Variants in NFIC observed in about 807,000 individuals in gnomAD.
The protein encoded by NFIC is nuclear factor I C.
In NFIC, 12 loss-of-function variants were observed where a neutral mutation model predicts 54.4. The ratio of observed to expected loss-of-function variants is 0.22; its 90% CI spans 0.14 to 0.36. The LOEUF is 0.36. NFIC is among the 10% of genes least tolerant of loss of function. The pLI, the probability that NFIC is intolerant of heterozygous loss-of-function variation, is 1.00. For missense variants in NFIC, 575 were observed against 718.2 expected, an observed-to-expected ratio of 0.80 and a Z score of 2.28; for synonymous variants, 322 against 319.2, an observed-to-expected ratio of 1.01 and a Z score of -0.09.
At chr19:3,396,427 G>A (rs1367500128) in intron 2 of NFIC, among the ~76,000 whole-genome samples, 3 of 150,302 alleles carry the variant, frequency 2.0e-5, no homozygotes, top group Non-Finnish European at 4.4e-5. Context: ...AGCTGAGATC[G>A]TGCCACTGCA....
chr19:3,438,028 C>T (rs907437699), intron 6 of NFIC, among the ~76,000 whole-genome samples: 1 of 152,082 alleles, frequency 6.6e-6, no homozygotes, highest in Non-Finnish European at 1.5e-5. Flanking sequence ...ATTGATGAGG[C>T]TGTCAGAATG....
At chr19:3,385,399 A>G (rs1275133425) in intron 2 of NFIC, among the ~76,000 whole-genome samples, 5 of 152,112 alleles carry the variant, frequency 3.3e-5, no homozygotes, top group African/African-American at 1.2e-4. Context: ...GGAAATGTCA[A>G]GTGCCCAGGG....
chr19:3,445,845 A>G (rs2082366326), intron 6 of NFIC, among the ~76,000 whole-genome samples: 2 of 152,074 alleles, frequency 1.3e-5, no homozygotes, highest in Admixed American at 1.3e-4. Flanking sequence ...TGCCTATGGA[A>G]CCACCAGCAG....
chr19:3,371,214 T>C (rs1568399433), intron 1 of NFIC, among the ~76,000 whole-genome samples: 1 of 152,026 alleles, frequency 6.6e-6, no homozygotes, highest in African/African-American at 2.4e-5. Flanking sequence ...CTTTCCTGAC[T>C]CTGGTGGGTG....
At position 3,423,147 on chromosome 19, in the gene NFIC, G is replaced by A. The variant is rs538862672; in HGVS notation, c.563-1959G>A. ...CGAGAGGTGGAGGTTACAGCAAGCCGCGATCGCACCACTGCATTCCAGCCT... is the reference window on the plus strand; with the variant it reads ...CGAGAGGTGGAGGTTACAGCAAGCCACGATCGCACCACTGCATTCCAGCCT... On this transcript the variant is annotated intron_variant, in intron 2 of 10. Coordinates refer to ENST00000443272, the MANE Select transcript of NFIC (RefSeq NM_001245002.2). Among the ~76,000 whole-genome samples, 19 of 152,172 alleles carry A rather than the reference G, an allele frequency of 1.2e-4. No individual in the cohort carries two copies. In the South Asian group the frequency reaches 1.4e-3, roughly 12 times the overall value.
rs56852086 is a variant in NFIC, at chr19:3,371,998, C to CCTCTCTCTCTCTCTCTCTCT, written c.30+5358_30+5377dup. On this transcript the variant is annotated intron_variant, in intron 1 of 10. Transcript: ENST00000443272. ...CTTTCTCTCTCTCTCCCTCTCTCTC[C>CCTCTCTCTCTCTCTCTCTCT]CTCTCTCTCTCTCTCTCTCTCTCTC... Among the ~76,000 whole-genome samples, 11 of 35,370 alleles carry CCTCTCTCTCTCTCTCTCTCT rather than the reference C, an allele frequency of 3.1e-4. 2 individuals carry two copies. Among genetic ancestry groups the CCTCTCTCTCTCTCTCTCTCT allele is most frequent in the Non-Finnish European group, 2.1e-4 (4 of 18,784 alleles). 23.2% of individuals were successfully genotyped at this position (35,370 alleles called of 152,430 possible).
chr19:3,412,582 C>T (rs1413821945), intron 2 of NFIC, among the ~76,000 whole-genome samples: 1 of 152,066 alleles, frequency 6.6e-6, no homozygotes, highest in Non-Finnish European at 1.5e-5. Context: ...AAGAGAGGTG[C>T]AGACAAAACT....
chr19:3,449,180 C>G, intron 7 of NFIC, 41 bp downstream of exon 7: 1 of 1,594,258 alleles, frequency 6.3e-7, no homozygotes, highest in Non-Finnish European at 8.5e-7. Context: ...GCGGCGGGCC[C>G]TCCTATCAGG....
At chr19:3,400,278 A>G (rs1295226770) in intron 2 of NFIC, among the ~76,000 whole-genome samples, 3 of 152,162 alleles carry the variant, frequency 2.0e-5, no homozygotes, top group Non-Finnish European at 4.4e-5. Context: ...GATCGAGACC[A>G]TCCTGGCTAA....
intron 10 of NFIC, 40 bp from the exon 11 acceptor site, chr19:3,462,710 CTT>C: frequency 6.2e-7 from 1 of 1,610,294 alleles, no homozygotes; most frequent in Non-Finnish European, 8.5e-7. Flanking sequence ...ACTTCTCTCC[CTT>C]TTTCTCTCTC....
In NFIC at chr19:3,453,694, G is replaced by A. The variant is rs144206161; in HGVS notation, c.1270-69G>A. On this transcript the variant is annotated intron_variant, in intron 8 of 10. Transcript: ENST00000443272. The surrounding 1 kb of genome is among the most constrained non-coding windows in gnomAD (Gnocchi z 6.7). ...CCGGGCCGTGCACAGAGCCGGGGGC[G>A]GCCGGCGCCAGCAGCCCGAGGTAGA... The A allele has an allele frequency of 0.011, 16,296 of 1,518,106 alleles. 125 individuals are homozygous for A. Among genetic ancestry groups the A allele is most frequent in the Middle Eastern group, 0.042 (245 of 5,816 alleles). The allele number at this position is 1,518,106 out of a possible 1,614,324, so 94.0% of individuals were successfully genotyped here.
intron 2 of NFIC, among the ~76,000 whole-genome samples, chr19:3,413,769 T>C (rs1016484555): frequency 2.0e-5 from 3 of 152,052 alleles, no homozygotes; most frequent in African/African-American, 7.2e-5. Flanking sequence ...CCGGAGCAGC[T>C]GGGATTACAG....
At chr19:3,429,718 C>A (rs557024155) in intron 3 of NFIC, among the ~76,000 whole-genome samples, 1 of 152,320 alleles carries the variant, frequency 6.6e-6, no homozygotes, top group East Asian at 1.9e-4. Flanking sequence ...CCACCGCCAC[C>A]CAAAAGCCAA....
Position 3,464,218 on chromosome 19 carries a change from G to GC in NFIC, c.*1454dup, listed in dbSNP as rs2082684785. ...GCTGCGGGACGTGCATCACGGCTGG[G>GC]CCCCCAGAGGAGAGAGGAGGCCGAC... On this transcript the variant is annotated 3_prime_UTR_variant, in exon 11 of 11. Coordinates refer to ENST00000443272, the MANE Select transcript of NFIC (RefSeq NM_001245002.2). 16 of 985,412 alleles carry GC rather than the reference G, an allele frequency of 1.6e-5. No homozygotes were observed. Among genetic ancestry groups the GC allele is most frequent in the Non-Finnish European group, 1.9e-5 (16 of 829,928 alleles). 61.0% of individuals were successfully genotyped at this position (985,412 alleles called of 1,614,324 possible). A position where few individuals can be genotyped will look rare whatever the true frequency, so the allele number is the denominator to read the frequency against.
At chr19:3,359,634 A>C (rs2145406724), upstream of NFIC, 139 of 1,293,832 alleles carry the variant, frequency 1.1e-4, no homozygotes, top group East Asian at 3.0e-4. Context: ...CTCGCCGGGG[A>C]CCGAGCGCGC....
At chr19:3,429,012 C>T (rs1469878841) in intron 3 of NFIC, among the ~76,000 whole-genome samples, 3 of 151,716 alleles carry the variant, frequency 2.0e-5, no homozygotes, top group African/African-American at 7.3e-5. Context: ...GGGCCGGGTG[C>T]GGTGGCTCAC....
chr19:3,443,905 C>A (rs1367448081), intron 6 of NFIC, among the ~76,000 whole-genome samples: 1 of 152,216 alleles, frequency 6.6e-6, no homozygotes, highest in African/African-American at 2.4e-5. Flanking sequence ...CACTGCTGTC[C>A]TCATCAGATT....
upstream of NFIC, among the ~76,000 whole-genome samples, chr19:3,366,245 C>CG (rs528904809): frequency 0.02 from 2,935 of 148,442 alleles, 63 homozygotes; most frequent in African/African-American, 0.041. Context: ...ACGGGAGGAG[C>CG]GGGGGGGTCC....
intron 10 of NFIC, among the ~76,000 whole-genome samples, chr19:3,462,432 A>G (rs988747517): frequency 1.3e-5 from 2 of 152,224 alleles, no homozygotes; most frequent in Non-Finnish European, 1.5e-5. Flanking sequence ...AGATAAATGG[A>G]TCTTTTGTGT....
Sources: allele counts gnomAD v4.1 joint callset (sites outside exome capture counted in the v4.1 genomes callset), GRCh38; gene constraint gnomAD v4.1.1; non-coding constraint Gnocchi (gnomAD v3.1); transcripts MANE v1.5; gene names NCBI Gene and HGNC (gene_info 2026-07-23, HGNC 2026-07-21).